Variants in CYP4X1 observed in about 807,000 individuals in gnomAD.
CYP4X1 encodes the protein cytochrome P450 family 4 subfamily X member 1.
Under a neutral mutation model 57.9 loss-of-function variants are expected in CYP4X1, and 44 were observed. The ratio of observed to expected loss-of-function variants is 0.76; its 90% CI spans 0.60 to 0.98. CYP4X1 has a LOEUF of 0.98. CYP4X1 is among the 50% of genes least tolerant of loss of function. CYP4X1 has a pLI of 0.00. For missense variants in CYP4X1, 532 were observed against 623.9 expected (o/e 0.85, Z 1.57); for synonymous variants, 227 against 228.6 (o/e 0.99, Z 0.06).
At chr1:47,000,509 A>G in the CYP4X1 span, among the ~76,000 whole-genome samples, 1 of 152,152 alleles carries the variant, frequency 6.6e-6, no homozygotes, top group Non-Finnish European at 1.5e-5. Context: ...ACCCATTTCC[A>G]ACTTTGACCT....
chr1:46,997,040 C>T, the CYP4X1 span, among the ~76,000 whole-genome samples: 1 of 152,186 alleles, frequency 6.6e-6, no homozygotes, highest in Non-Finnish European at 1.5e-5. Context: ...TAGATGAGCC[C>T]AGGCACTTGT....
chr1:47,008,926 C>G, the CYP4X1 span, among the ~76,000 whole-genome samples: 2 of 152,114 alleles, frequency 1.3e-5, no homozygotes, highest in Non-Finnish European at 2.9e-5. Flanking sequence ...TAAAGCAAGT[C>G]CTTAGAGACC....
Position 47,038,549 on chromosome 1 carries a change from A to C in CYP4X1, c.776-111A>C. ...CCATCTGTGAAAATTAGATCTATTTAAACGTCTGGAAATCAGGCAAGATTT... is the reference window on the plus strand; with the variant it reads ...CCATCTGTGAAAATTAGATCTATTTCAACGTCTGGAAATCAGGCAAGATTT... On this transcript the variant is annotated intron_variant, in intron 6 of 11. Transcript: ENST00000371901. 3 of 675,286 alleles carry C rather than the reference A, an allele frequency of 4.4e-6. 1 individual carries two copies. The highest frequency in any genetic ancestry group is 5.8e-5 in the East Asian group (2 of 34,396). 41.8% of individuals were successfully genotyped at this position (675,286 alleles called of 1,614,324 possible).
At chr1:46,999,425 G>A in the CYP4X1 span, among the ~76,000 whole-genome samples, 4 of 151,986 alleles carry the variant, frequency 2.6e-5, no homozygotes, top group African/African-American at 9.7e-5. Context: ...TGTTACCTTT[G>A]TTATTTCTGA....
chr1:47,032,134 T>A (rs1245070160), intron 3 of CYP4X1, among the ~76,000 whole-genome samples: 1 of 152,222 alleles, frequency 6.6e-6, no homozygotes, highest in East Asian at 1.9e-4. Context: ...TTCTTGGATG[T>A]TTTCCTTTCT....
At chr1:46,971,131 ATG>A in the CYP4X1 span, among the ~76,000 whole-genome samples, 2 of 152,170 alleles carry the variant, frequency 1.3e-5, no homozygotes, top group Non-Finnish European at 2.9e-5. Context: ...CTTTGTGTCC[ATG>A]TGTACTCGAT....
At position 47,048,606 on chromosome 1, in the gene CYP4X1, C is replaced by G. The variant is rs1031822085; in HGVS notation, c.1249C>G (p.Pro417Ala). The G allele has an allele frequency of 1.9e-6, 3 of 1,612,972 alleles. No homozygotes were observed. Among genetic ancestry groups the G allele is most frequent in the Non-Finnish European group, 2.5e-6 (3 of 1,179,792 alleles). ...TAGTATTTGGGGTCTTCACCACAAC[C>G]CTGCTGTCTGGAAAAACCCAAAGGT... is the stretch of plus-strand genomic sequence containing the variant. ...VLSIWGLHHN[P>A]AVWKNPKVFD... The change falls in exon 10 of 12, where the codon CCT (proline) becomes GCT (alanine). Residue 417 changes from proline to alanine, a missense_variant. Transcript: ENST00000371901.
the CYP4X1 span, among the ~76,000 whole-genome samples, chr1:46,976,594 A>G: frequency 7.4e-4 from 112 of 152,254 alleles, no homozygotes; most frequent in African/African-American, 2.5e-3. Context: ...GAAGAGAGCA[A>G]TGGTTCTCCC....
intron 4 of CYP4X1, 34 bp downstream of exon 4, chr1:47,033,402 G>A (rs751178310): frequency 5.5e-5 from 88 of 1,611,322 alleles, no homozygotes; most frequent in East Asian, 6.7e-5. Context: ...TGTGCATTGC[G>A]AAATGCTCCC....
intron 6 of CYP4X1, among the ~76,000 whole-genome samples, chr1:47,037,697 T>C (rs1473872686): frequency 2.0e-5 from 3 of 152,136 alleles, no homozygotes; most frequent in Non-Finnish European, 4.4e-5. Flanking sequence ...CCAGACATTA[T>C]TGAATGTTCC....
At chr1:47,043,253 CTTCTT>C (rs1271939102) in intron 8 of CYP4X1, among the ~76,000 whole-genome samples, 4 of 152,064 alleles carry the variant, frequency 2.6e-5, no homozygotes, top group African/African-American at 9.7e-5. Flanking sequence ...ATTTGTACAT[CTTCTT>C]TTGAGAATTG....
chr1:47,015,850 C>T, the CYP4X1 span, among the ~76,000 whole-genome samples: 3 of 152,144 alleles, frequency 2.0e-5, no homozygotes, highest in Admixed American at 6.5e-5. Flanking sequence ...TCAGCCTCCC[C>T]GGCCACGTGT....
intron 1 of CYP4X1, among the ~76,000 whole-genome samples, chr1:47,029,690 CAG>C (rs1216884470): frequency 1.3e-5 from 2 of 152,156 alleles, no homozygotes; most frequent in Admixed American, 1.3e-4. Context: ...GCAAGTGAGG[CAG>C]AGAGTGTGAC....
intron 9 of CYP4X1, among the ~76,000 whole-genome samples, chr1:47,046,855 A>T (rs1038052934): frequency 1.3e-5 from 2 of 152,192 alleles, no homozygotes; most frequent in African/African-American, 4.8e-5. Flanking sequence ...ATCCCAGCCC[A>T]GGGTCTCTTC....
chr1:47,007,197 C>CTCACA, the CYP4X1 span, among the ~76,000 whole-genome samples: 3 of 152,190 alleles, frequency 2.0e-5, no homozygotes, highest in Non-Finnish European at 2.9e-5. Flanking sequence ...AGACTGACAC[C>CTCACA]TCACACGGCC....
intron 9 of CYP4X1, 132 bp downstream of exon 9, chr1:47,046,732 C>T: frequency 7.4e-7 from 1 of 1,343,584 alleles, no homozygotes; most frequent in Non-Finnish European, 1.0e-6. Context: ...TAGGTTTTAT[C>T]ACCTATGAGG....
rs770978903 is a variant in CYP4X1, at chr1:47,046,589, C to G, written c.1196C>G (p.Thr399Arg). ...SKPLTFPDGC[T>R]LPAGITVVLS... ...CCACTTACCTTCCCAGATGGATGCA[C>G]ATTGCCTGCAGGTCTTTACATTCTT... The change falls in exon 9 of 12, where the codon ACA becomes AGA. Residue 399 changes from threonine (T) to arginine (R), a missense_variant. Transcript: ENST00000371901. 1 of 1,614,156 alleles carries G rather than the reference C, an allele frequency of 6.2e-7. No individual in the cohort carries two copies.
intron 1 of CYP4X1, 93 bp downstream of exon 1, chr1:47,024,087 C>T: frequency 6.9e-7 from 1 of 1,457,606 alleles, no homozygotes; most frequent in Non-Finnish European, 9.2e-7. Context: ...AGCTTTCTTC[C>T]ATCCCTGGGG....
chr1:47,039,543 C>T lies in CYP4X1; in HGVS notation c.1073+11C>T, dbSNP rs1394458877. On this transcript the variant is annotated intron_variant, in intron 8 of 11. Coordinates refer to ENST00000371901, the MANE Select transcript of CYP4X1 (RefSeq NM_178033.2). ...GTCTTCTATCACTTGGTAAGATCTG[C>T]ACCCCTAAATTTTCCTGCTAGTTTT... 28 of 1,573,464 alleles carry T rather than the reference C, an allele frequency of 1.8e-5. No homozygotes were observed. The highest frequency in any genetic ancestry group is 2.3e-5 in the East Asian group (1 of 43,976).
Sources: allele counts gnomAD v4.1 joint callset (sites outside exome capture counted in the v4.1 genomes callset), GRCh38; gene constraint gnomAD v4.1.1; transcripts MANE v1.5; gene names NCBI Gene and HGNC (gene_info 2026-07-23, HGNC 2026-07-21).